Variants in GPI observed in about 807,000 individuals in gnomAD.
The protein encoded by GPI is glucose-6-phosphate isomerase.
GPI carries 56 observed loss-of-function variants against 75.8 expected under a neutral mutation model. The observed-to-expected ratio is 0.74, with a 90% CI of 0.60 to 0.92. The LOEUF is 0.92. Among genes scored for constraint, GPI ranks in the 40% least tolerant of loss-of-function variants. The probability of loss-of-function intolerance (pLI) is 0.00; values close to 1 mark genes in which losing one functional copy is unlikely to be tolerated. For missense variants in GPI, 638 were observed against 741.0 expected, an observed-to-expected ratio of 0.86 and a Z score of 1.61; for synonymous variants, 288 against 285.4, an observed-to-expected ratio of 1.01 and a Z score of -0.09.
At chr19:34,364,858 T>C (rs2074329368), upstream of GPI, 3 of 911,816 alleles carry the variant, frequency 3.3e-6, no homozygotes, top group South Asian at 1.8e-5. Context: ...CTATAGAGTT[T>C]TGTCGAATGA....
upstream of GPI, among the ~76,000 whole-genome samples, chr19:34,363,927 C>G (rs551630575): frequency 2.4e-4 from 36 of 152,326 alleles, no homozygotes; most frequent in African/African-American, 8.4e-4. Context: ...GTTGACAGTT[C>G]TTAGAAAAGG....
At chr19:34,359,821 TCTAAATGC>T, upstream of GPI, 1 of 152,454 alleles carries the variant, frequency 6.6e-6, no homozygotes, top group Non-Finnish European at 1.5e-5. Context: ...GTCTGTGATG[TCTAAATGC>T]CGATACCTCA....
At chr19:34,370,458 C>T (rs1000762990) in intron 4 of GPI, among the ~76,000 whole-genome samples, 13 of 152,174 alleles carry the variant, frequency 8.5e-5, no homozygotes, top group African/African-American at 2.9e-4. Context: ...GTGGCTCACG[C>T]CTGTAATCCC....
intron 2 of GPI, 149 bp downstream of exon 2, chr19:34,366,584 C>T: frequency 1.3e-6 from 1 of 769,176 alleles, no homozygotes; most frequent in Non-Finnish European, 2.4e-6. Flanking sequence ...GCACCTGTCC[C>T]TGGCTTAGGT....
At position 34,393,356 on chromosome 19, in the gene GPI, A is replaced by G. The variant is rs201014183; in HGVS notation, c.865+48A>G. 6.8e-7 allele frequency: 1 copy of G among 1,461,376 alleles called. No homozygotes were observed. Among genetic ancestry groups the G allele is most frequent in the Non-Finnish European group, 9.6e-7 (1 of 1,040,368 alleles). The allele number at this position is 1,461,376 out of a possible 1,614,324, so 90.5% of individuals were successfully genotyped here. A position where few individuals can be genotyped will look rare whatever the true frequency, so the allele number is the denominator to read the frequency against. On this transcript the variant is annotated intron_variant, in intron 10 of 17. Transcript: ENST00000356487. The surrounding 1 kb of genome is among the most constrained non-coding windows in gnomAD (Gnocchi z 4.4). The stretch of plus-strand genomic sequence containing the variant: ...CAGCCCCTGTGGGAGACAGTGTTGC[A>G]GTCTAAGGTCGGGGTAGGGGGCTTG...
At chr19:34,386,091 C>T (rs2074730476) in intron 9 of GPI, among the ~76,000 whole-genome samples, 1 of 149,558 alleles carries the variant, frequency 6.7e-6, no homozygotes. Context: ...GTAGAGCTGC[C>T]TGCCAGGTAT....
Position 34,393,635 on chromosome 19 carries a change from A to G in GPI, c.866-93A>G, listed in dbSNP as rs1457960880. On this transcript the variant is annotated intron_variant, in intron 10 of 17. Coordinates refer to ENST00000356487, the MANE Select transcript of GPI (RefSeq NM_000175.5). The surrounding 1 kb of genome is among the most constrained non-coding windows in gnomAD (Gnocchi z 4.4). ...CCCATGTCGTATCTTCTGGCTCTCC[A>G]TGCAGCCTTCCTTCGTTGCAGAAGG... 4 of 1,259,318 alleles carry G rather than the reference A, an allele frequency of 3.2e-6. No individual in the cohort carries two copies. The highest frequency in any genetic ancestry group is 3.4e-5 in the Admixed American group (2 of 59,476). The allele number at this position is 1,259,318 out of a possible 1,614,324, so 78.0% of individuals were successfully genotyped here.
At chr19:34,385,348 TCAAACAA>T in intron 9 of GPI, among the ~76,000 whole-genome samples, 1 of 134,996 alleles carries the variant, frequency 7.4e-6, no homozygotes, top group African/African-American at 2.8e-5. Flanking sequence ...AAACTTTGTC[TCAAACAA>T]AAAACAAAAA....
At chr19:34,381,444 C>T in intron 8 of GPI, 22 bp from the exon 9 acceptor site, 1 of 1,542,182 alleles carries the variant, frequency 6.5e-7, no homozygotes, top group South Asian at 1.1e-5. Context: ...GCATTTCTCT[C>T]CCTTTGTTTT....
chr19:34,398,653 C>G (rs2074978117), intron 14 of GPI: 1 of 152,744 alleles, frequency 6.5e-6, no homozygotes, highest in Admixed American at 6.5e-5. Flanking sequence ...TTCTTAGGAT[C>G]TTAAAAGATA....
chr19:34,368,451 TG>T, intron 3 of GPI, 131 bp from the exon 4 acceptor site: 1 of 911,716 alleles, frequency 1.1e-6, no homozygotes, highest in Non-Finnish European at 1.7e-6. Context: ...AACAAGGTTA[TG>T]GTGCTAACAG....
At chr19:34,385,147 CT>C (rs1211559354) in intron 9 of GPI, among the ~76,000 whole-genome samples, 1 of 151,934 alleles carries the variant, frequency 6.6e-6, no homozygotes, top group African/African-American at 2.4e-5. Context: ...CAAGACCAGC[CT>C]GGCCAACATG....
In GPI at chr19:34,378,920, C is replaced by T; in HGVS notation, c.634-14C>T. 6.2e-7 allele frequency: 1 copy of T among 1,612,788 alleles called. No individual in the cohort carries two copies. Among genetic ancestry groups the T allele is most frequent in the Non-Finnish European group, 8.5e-7 (1 of 1,178,710 alleles). ...CTAAGCTCGGGCGCCCACTGCTGTT[C>T]TCTTTGGTTGCAGACCTTTACTACC... On this transcript the variant is annotated splice_polypyrimidine_tract_variant and intron_variant, in intron 6 of 17. Transcript: ENST00000356487.
At chr19:34,389,319 C>T (rs529189175) in intron 9 of GPI, among the ~76,000 whole-genome samples, 17 of 152,244 alleles carry the variant, frequency 1.1e-4, no homozygotes, top group Middle Eastern at 6.8e-3. Context: ...AGTCCATCTC[C>T]GGGGCTTCAA....
intron 4 of GPI, among the ~76,000 whole-genome samples, chr19:34,372,238 G>T (rs1206253084): frequency 6.6e-6 from 1 of 152,174 alleles, no homozygotes; most frequent in Admixed American, 6.5e-5. Context: ...GCCAAGACTT[G>T]CTTTTTCTAA....
intron 9 of GPI, among the ~76,000 whole-genome samples, chr19:34,390,413 C>T (rs955161013): frequency 7.9e-5 from 12 of 152,054 alleles, no homozygotes; most frequent in African/African-American, 2.9e-4. Context: ...GTCCTGGCAC[C>T]GGTAAGGGGC....
chr19:34,370,742 A>G (rs1341090797), intron 4 of GPI, among the ~76,000 whole-genome samples: 2 of 151,784 alleles, frequency 1.3e-5, no homozygotes, highest in South Asian at 2.1e-4. Flanking sequence ...AAAAACCAAC[A>G]AAAAAACCAA....
chr19:34,381,011 A>T lies in GPI; in HGVS notation c.751-455A>T, dbSNP rs116321371. On this transcript the variant is annotated intron_variant, in intron 8 of 17. Coordinates refer to ENST00000356487, the MANE Select transcript of GPI (RefSeq NM_000175.5). ...CTTCCTGGTGCAGTCACCCTCCCAC[A>T]CATGGGAAGGGCTGGGTGGCTGTTC... 214 of 301,956 alleles carry T rather than the reference A, an allele frequency of 7.1e-4. 1 individual carries two copies. The highest frequency in any genetic ancestry group is 3.6e-3 in the African/African-American group (167 of 46,278). 18.7% of individuals were successfully genotyped at this position (301,956 alleles called of 1,614,324 possible).
chr19:34,381,130 G>A (rs1267223473), intron 8 of GPI: 7 of 421,202 alleles, frequency 1.7e-5, no homozygotes, highest in African/African-American at 1.2e-4. Flanking sequence ...GGGGTATCAT[G>A]CTCTGGTGTC....
Sources: allele counts gnomAD v4.1 joint callset (sites outside exome capture counted in the v4.1 genomes callset), GRCh38; gene constraint gnomAD v4.1.1; non-coding constraint Gnocchi (gnomAD v3.1); transcripts MANE v1.5; gene names NCBI Gene and HGNC (gene_info 2026-07-23, HGNC 2026-07-21).